The following COL24A1 variants were observed in gnomAD, a reference collection of about 807,000 sequenced individuals.
The protein encoded by COL24A1 is collagen alpha-1(XXIV) chain.
In COL24A1, 224 loss-of-function variants were observed where a neutral mutation model predicts 253.9. That is an observed-to-expected ratio of 0.88 (90% CI 0.79 to 0.99). COL24A1 has a LOEUF of 0.99. Among genes scored for constraint, COL24A1 ranks in the 50% least tolerant of loss-of-function variants. COL24A1 has a pLI of 0.00. For missense variants in COL24A1, 2,131 were observed against 2,068.5 expected, an observed-to-expected ratio of 1.03 and a Z score of -0.59; for synonymous variants, 685 against 673.7, an observed-to-expected ratio of 1.02 and a Z score of -0.26.
Position 85,742,494 on chromosome 1 carries a change from C to A in COL24A1, c.4672+2172G>T, listed in dbSNP as rs567653954. 1.9e-4 allele frequency among the ~76,000 whole-genome samples: 29 copies of A among 152,258 alleles called. 1 individual carries two copies. The South Asian group carries it at 5.8e-3, about 30-fold the overall frequency. On this transcript the variant is annotated intron_variant, in intron 57 of 59. Transcript: ENST00000370571. ...TCTTAAGCAGTCTTAAGGCATTAAA[C>A]ACCAATTAAATGTAAATGATTTCAT...
chr1:85,821,986 T>C (rs1673669428), intron 45 of COL24A1, among the ~76,000 whole-genome samples: 1 of 152,176 alleles, frequency 6.6e-6, no homozygotes, highest in Non-Finnish European at 1.5e-5. Context: ...ACTGCAAATA[T>C]AAGGAAGTAG....
chr1:86,119,447 G>A (rs11161743), intron 3 of COL24A1, among the ~76,000 whole-genome samples: 26,572 of 152,098 alleles, frequency 0.17, 2,447 homozygotes, highest in South Asian at 0.27. Flanking sequence ...AAAAGGTGGA[G>A]CTGAAGAAGA....
At position 86,115,372 on chromosome 1, in the gene COL24A1, G is replaced by T. The variant is rs1706041601; in HGVS notation, c.1498C>A (p.Pro500Thr). Residue 500 changes from proline to threonine, a missense_variant, in exon 4 of 60, where the codon CCT becomes ACT. Physicochemically the swap from Pro to Thr is conservative, Grantham distance 38. Transcript: ENST00000370571. ...GGACCTGGGATACCTGCTGGACCAG[G>T]TGGACCCTTGGAAAACAAATGTCAA... is the stretch of plus-strand genomic sequence containing the variant. ...PKGDTGPPGP[P>T]GPAGIPGPSG... The T allele has an allele frequency of 6.2e-7, 1 of 1,613,852 alleles. No individual in the cohort carries two copies.
chr1:86,127,986 T>C (rs1648575144), intron 2 of COL24A1, among the ~76,000 whole-genome samples: 1 of 152,074 alleles, frequency 6.6e-6, no homozygotes, highest in South Asian at 2.1e-4. Flanking sequence ...TTTCATGACA[T>C]TTTTAAAGGA....
intron 5 of COL24A1, among the ~76,000 whole-genome samples, chr1:86,094,487 G>A (rs1703753119): frequency 7.4e-6 from 1 of 135,046 alleles, no homozygotes; most frequent in African/African-American, 2.5e-5. Flanking sequence ...CATAGGGTGG[G>A]AGGTGGGAGA....
chr1:86,094,359 A>G (rs186217566), intron 5 of COL24A1, among the ~76,000 whole-genome samples: 21 of 152,204 alleles, frequency 1.4e-4, no homozygotes, highest in African/African-American at 4.6e-4. Context: ...GGATGGAGCT[A>G]GAAATCATTA....
rs1663353123 is a variant in COL24A1, at chr1:85,730,357, T to C, written c.*189A>G. 2.1e-6 allele frequency: 1 copy of C among 473,984 alleles called. No homozygotes were observed. The highest frequency in any genetic ancestry group is 3.6e-6 in the Non-Finnish European group (1 of 274,298). 29.4% of individuals were successfully genotyped at this position (473,984 alleles called of 1,614,324 possible). On this transcript the variant is annotated 3_prime_UTR_variant, in exon 60 of 60. Coordinates refer to ENST00000370571, the MANE Select transcript of COL24A1 (RefSeq NM_152890.7). ...TAATTTTTAAAAGAATTAAATACTTTATCAATCATAGTCCTTTAAAAATGC... is the reference window on the plus strand; with the variant it reads ...TAATTTTTAAAAGAATTAAATACTTCATCAATCATAGTCCTTTAAAAATGC...
chr1:86,043,802 AG>A (rs1295944001), intron 12 of COL24A1, among the ~76,000 whole-genome samples: 2 of 152,206 alleles, frequency 1.3e-5, no homozygotes, highest in African/African-American at 4.8e-5. Context: ...CTGGGATTAT[AG>A]GCATGAGCCA....
intron 24 of COL24A1, chr1:85,960,877 C>T (rs1048950164): frequency 5.3e-5 from 9 of 170,702 alleles, no homozygotes; most frequent in Admixed American, 2.8e-4. Flanking sequence ...GAGCAAGACT[C>T]CATCTCAATA....
At chr1:86,004,583 T>C (rs979173244) in intron 19 of COL24A1, among the ~76,000 whole-genome samples, 1 of 152,216 alleles carries the variant, frequency 6.6e-6, no homozygotes, top group African/African-American at 2.4e-5. Context: ...CTGACCCATA[T>C]GGAGTTTTGT....
chr1:85,742,724 T>A (rs1664786567), intron 57 of COL24A1, among the ~76,000 whole-genome samples: 1 of 152,084 alleles, frequency 6.6e-6, no homozygotes, highest in Non-Finnish European at 1.5e-5. Context: ...CTGAGAGTCA[T>A]CCTTTACCAT....
intron 47 of COL24A1, among the ~76,000 whole-genome samples, chr1:85,805,871 C>G (rs951575520): frequency 6.6e-6 from 1 of 151,948 alleles, no homozygotes; most frequent in South Asian, 2.1e-4. Context: ...GTCAGGAGAT[C>G]GAGACCATCC....
chr1:85,833,419 C>A (rs11161684), intron 43 of COL24A1, among the ~76,000 whole-genome samples: 8 of 151,878 alleles, frequency 5.3e-5, no homozygotes, highest in African/African-American at 1.9e-4. Flanking sequence ...CAATGAGATA[C>A]CATCTCACAC....
chr1:86,061,895 C>T lies in COL24A1; in HGVS notation c.1752+1820G>A, dbSNP rs118015355. On this transcript the variant is annotated intron_variant, in intron 8 of 59. Coordinates refer to ENST00000370571, the MANE Select transcript of COL24A1 (RefSeq NM_152890.7). ...GGAACAGAAAATTAGGAAGCCTGCCCTAATCTCACTTAAAATACACATTCT... is the reference window on the plus strand; with the variant it reads ...GGAACAGAAAATTAGGAAGCCTGCCTTAATCTCACTTAAAATACACATTCT... Among the ~76,000 whole-genome samples, 335 of 152,128 alleles carry T rather than the reference C, an allele frequency of 2.2e-3. 6 individuals are homozygous for T. In the East Asian group the frequency reaches 0.037, roughly 17 times the overall value.
chr1:86,154,397 CA>C, intron 1 of COL24A1: 1 of 152,666 alleles, frequency 6.6e-6, no homozygotes, highest in East Asian at 1.9e-4. Flanking sequence ...ATGAGATAAC[CA>C]AGGGCTGCAA....
chr1:85,838,436 A>G, intron 43 of COL24A1, 149 bp downstream of exon 43: 2 of 668,346 alleles, frequency 3.0e-6, no homozygotes. Context: ...TGATTCTAGG[A>G]AGGAGGAACA....
At chr1:85,983,864 G>A (rs916274042) in intron 20 of COL24A1, among the ~76,000 whole-genome samples, 2 of 151,804 alleles carry the variant, frequency 1.3e-5, no homozygotes, top group Non-Finnish European at 3.0e-5. Flanking sequence ...TTATTTTCTT[G>A]TTCTTTTGAT....
intron 47 of COL24A1, among the ~76,000 whole-genome samples, chr1:85,815,334 A>G (rs1272165118): frequency 6.6e-6 from 1 of 152,198 alleles, no homozygotes; most frequent in African/African-American, 2.4e-5. Flanking sequence ...CCAGTGCATG[A>G]GCTCCCTTTA....
chr1:85,821,151 A>T (rs935943809), intron 45 of COL24A1, among the ~76,000 whole-genome samples: 2 of 152,196 alleles, frequency 1.3e-5, no homozygotes, highest in Non-Finnish European at 2.9e-5. Flanking sequence ...ATTATAGGAC[A>T]GTTCACTCAC....
Sources: gnomAD v4.1 joint callset for allele counts (sites outside exome capture counted in the v4.1 genomes callset) on GRCh38, gnomAD v4.1.1 for gene constraint, MANE v1.5 for transcripts, NCBI Gene and HGNC (gene_info 2026-07-23, HGNC 2026-07-21) for gene names.